Variants in ERLEC1 observed in about 807,000 individuals in gnomAD.
ERLEC1 encodes the protein endoplasmic reticulum lectin 1, also known as ER lectin.
Under a neutral mutation model 68.0 loss-of-function variants are expected in ERLEC1, and 47 were observed. The observed-to-expected ratio is 0.69, with a 90% CI of 0.55 to 0.88. ERLEC1 has a LOEUF of 0.88. Ranked by LOEUF, ERLEC1 falls within the 40% of genes least tolerant of loss-of-function variation. ERLEC1 has a pLI of 0.00. For missense variants in ERLEC1, 567 were observed against 583.8 expected, an observed-to-expected ratio of 0.97 and a Z score of 0.30; for synonymous variants, 225 against 203.2, an observed-to-expected ratio of 1.11 and a Z score of -0.91.
At chr2:53,814,085 G>A (rs1676733043) in intron 11 of ERLEC1, among the ~76,000 whole-genome samples, 1 of 152,128 alleles carries the variant, frequency 6.6e-6, no homozygotes, top group East Asian at 1.9e-4. Flanking sequence ...CTTTTCTTTG[G>A]ATCCTGCTCA....
rs113806281 is a variant in ERLEC1, at chr2:53,790,400, G to A, written c.162+3028G>A. On this transcript the variant is annotated intron_variant, in intron 1 of 13. Coordinates refer to ENST00000185150, the MANE Select transcript of ERLEC1 (RefSeq NM_015701.5). ...GGCATGAGCCACCGTGCCTGGCCGC[G>A]GGTTGGACATTTGTATCTAACTAAT... Among the ~76,000 whole-genome samples the A allele has an allele frequency of 8.0e-3, 1,216 of 151,248 alleles. 28 individuals carry two copies. Among genetic ancestry groups the A allele is most frequent in the African/African-American group, 0.028 (1,163 of 41,266 alleles).
intron 8 of ERLEC1, among the ~76,000 whole-genome samples, chr2:53,805,265 C>T (rs1485939158): frequency 1.3e-5 from 2 of 152,094 alleles, no homozygotes; most frequent in Non-Finnish European, 2.9e-5. Flanking sequence ...TCAGATGATC[C>T]ACCCACCTCA....
chr2:53,801,813 C>G lies in ERLEC1; in HGVS notation c.850C>G (p.Leu284Val), dbSNP rs762626631. ...LRQLEQQEEI[L>V]RVPFRRNKEE... ...GCAGCTGGAGCAGCAGGAAGAAATA[C>G]TAAGGGTGCCTTTTAGGAGAAATAA... The change falls in exon 8 of 14, where the codon CTA becomes GTA. Residue 284 changes from leucine (L) to valine (V), a missense_variant. Physicochemically the swap from Leu to Val is conservative, Grantham distance 32. Coordinates refer to ENST00000185150, the MANE Select transcript of ERLEC1 (RefSeq NM_015701.5). 6.2e-7 allele frequency: 1 copy of G among 1,613,768 alleles called. No homozygotes were observed. The highest frequency in any genetic ancestry group is 8.5e-7 in the Non-Finnish European group (1 of 1,179,768).
chr2:53,787,996 T>C (rs1235137833), intron 1 of ERLEC1, among the ~76,000 whole-genome samples: 1 of 152,212 alleles, frequency 6.6e-6, no homozygotes, highest in East Asian at 1.9e-4. Context: ...GAACATGAGC[T>C]TCTATGTTGA....
In ERLEC1 at chr2:53,818,269, C is replaced by T. The variant is rs538904958; in HGVS notation, c.*300C>T. ...CAAGCAAGTTAGAGTCCAGCCTAAT[C>T]AAATGTCATAATTGTTGTACCTATT... On this transcript the variant is annotated 3_prime_UTR_variant, in exon 14 of 14. Transcript: ENST00000185150. The T allele has an allele frequency of 1.0e-4, 22 of 216,800 alleles. No homozygotes were observed. The highest frequency in any genetic ancestry group is 2.6e-4 in the Admixed American group (5 of 19,148). The allele number at this position is 216,800 out of a possible 1,614,324, so 13.4% of individuals were successfully genotyped here.
chr2:53,818,241 A>G lies in ERLEC1; in HGVS notation c.*272A>G, dbSNP rs1677003546. The stretch of plus-strand genomic sequence containing the variant: ...ATACTGTGATTCCAAAATAAATCTC[A>G]TCCAAGCAAGTTAGAGTCCAGCCTA... On this transcript the variant is annotated 3_prime_UTR_variant, in exon 14 of 14. Transcript: ENST00000185150. The G allele has an allele frequency of 3.8e-6, 1 of 261,884 alleles. No homozygotes were observed. 16.2% of individuals were successfully genotyped at this position (261,884 alleles called of 1,614,324 possible). A position where few individuals can be genotyped will look rare whatever the true frequency, so the allele number is the denominator to read the frequency against.
At position 53,794,337 on chromosome 2, in the gene ERLEC1, A is replaced by T. The variant is rs745399574; in HGVS notation, c.163-8A>T. The T allele has an allele frequency of 7.3e-7, 1 of 1,368,040 alleles. No individual in the cohort carries two copies. The highest frequency in any genetic ancestry group is 1.3e-5 in the South Asian group (1 of 74,576). The allele number at this position is 1,368,040 out of a possible 1,614,324, so 84.7% of individuals were successfully genotyped here. ...GAACATAATGTATGTTTTTTCTTCTATTTGCAGCCCACAACTGGAGTTTTA... is the reference window on the plus strand; with the variant it reads ...GAACATAATGTATGTTTTTTCTTCTTTTTGCAGCCCACAACTGGAGTTTTA... On this transcript the variant is annotated splice_polypyrimidine_tract_variant and splice_region_variant and intron_variant, in intron 1 of 13. Coordinates refer to ENST00000185150, the MANE Select transcript of ERLEC1 (RefSeq NM_015701.5).
At chr2:53,797,410 C>G in intron 3 of ERLEC1, 105 bp from the exon 4 acceptor site, 2 of 746,894 alleles carry the variant, frequency 2.7e-6, no homozygotes, top group Non-Finnish European at 4.3e-6. Context: ...TTAATGAAAG[C>G]TTACTCTGAA....
At chr2:53,811,912 G>T (rs572642825) in intron 10 of ERLEC1, among the ~76,000 whole-genome samples, 97 of 151,918 alleles carry the variant, frequency 6.4e-4, no homozygotes, top group African/African-American at 2.1e-3. Context: ...CACCATAGGG[G>T]TTTTTTTTGT....
At chr2:53,796,738 CTG>C (rs1473506469) in intron 3 of ERLEC1, among the ~76,000 whole-genome samples, 1 of 152,130 alleles carries the variant, frequency 6.6e-6, no homozygotes, top group Non-Finnish European at 1.5e-5. Context: ...GCGTGAGCGA[CTG>C]TGCCCAGCTA....
At chr2:53,797,372 T>G in intron 3 of ERLEC1, 143 bp from the exon 4 acceptor site, 1 of 590,904 alleles carries the variant, frequency 1.7e-6, no homozygotes, top group African/African-American at 1.9e-5. Flanking sequence ...AATTTCACAT[T>G]TTTTTGAGGC....
At chr2:53,795,695 T>TA (rs1278837032) in intron 2 of ERLEC1, among the ~76,000 whole-genome samples, 2 of 152,046 alleles carry the variant, frequency 1.3e-5, no homozygotes, top group African/African-American at 2.4e-5. Flanking sequence ...AAATACATTT[T>TA]AAAAAAACCT....
chr2:53,803,556 G>A (rs1281397325), intron 8 of ERLEC1, among the ~76,000 whole-genome samples: 3 of 148,586 alleles, frequency 2.0e-5, no homozygotes, highest in Non-Finnish European at 1.5e-5. Flanking sequence ...TTGAAGCCAG[G>A]AGTTCAATAC....
intron 11 of ERLEC1, among the ~76,000 whole-genome samples, chr2:53,814,269 CAAA>C (rs1676743986): frequency 2.0e-5 from 3 of 152,002 alleles, no homozygotes; most frequent in Non-Finnish European, 2.9e-5. Context: ...GGAATCTAAC[CAAA>C]ATTATTTGTA....
intron 13 of ERLEC1, 106 bp from the exon 14 acceptor site, chr2:53,817,792 G>T: frequency 1.5e-6 from 1 of 671,966 alleles, no homozygotes. Flanking sequence ...TCTAAAACAA[G>T]GACTCATGCT....
At chr2:53,793,734 C>G (rs1354600338) in intron 1 of ERLEC1, among the ~76,000 whole-genome samples, 1 of 152,050 alleles carries the variant, frequency 6.6e-6, no homozygotes, top group African/African-American at 2.4e-5. Flanking sequence ...TAACTTCAAT[C>G]TGTTGCATTC....
rs772548396 is a variant in ERLEC1 at position 53,787,293 on chromosome 2, C to T, written c.83C>T (p.Ser28Phe). The change falls in exon 1 of 14, where the codon TCC becomes TTC. Residue 28 changes from serine (S) to phenylalanine (F), a missense_variant. Transcript: ENST00000185150. ...LLVLCGLLEA[S>F]GGGRALPQLS... ...GTCCTCTGCGGCCTCCTGGAGGCGT[C>T]CGGCGGCGGCCGAGCCCTTCCTCAA... is the stretch of plus-strand genomic sequence containing the variant. The T allele has an allele frequency of 5.6e-6, 9 of 1,609,690 alleles. No homozygotes were observed. In the East Asian group the frequency reaches 2.0e-4, roughly 36 times the overall value.
chr2:53,796,066 C>A, intron 3 of ERLEC1, 53 bp downstream of exon 3: 1 of 1,206,048 alleles, frequency 8.3e-7, no homozygotes, highest in Non-Finnish European at 1.2e-6. Flanking sequence ...CAACAGCCAA[C>A]AGACCTTTGA....
intron 1 of ERLEC1, chr2:53,788,584 G>C (rs1675210624): frequency 6.6e-6 from 1 of 150,848 alleles, no homozygotes; most frequent in Non-Finnish European, 1.5e-5. Flanking sequence ...TTTTTCTAGA[G>C]GCAGGGTCTC....
Sources: allele counts gnomAD v4.1 joint callset (sites outside exome capture counted in the v4.1 genomes callset), GRCh38; gene constraint gnomAD v4.1.1; transcripts MANE v1.5; gene names NCBI Gene and HGNC (gene_info 2026-07-23, HGNC 2026-07-21).